RTN1: variants seen among roughly 807,000 people sequenced by gnomAD.
RTN1 encodes reticulon 1.
RTN1 carries 25 observed loss-of-function variants against 65.5 expected under a neutral mutation model. The ratio of observed to expected loss-of-function variants is 0.38; its 90% CI spans 0.28 to 0.53. The LOEUF is 0.53. Ranked by LOEUF, RTN1 falls within the 20% of genes least tolerant of loss-of-function variation. RTN1 has a pLI of 0.79. For missense variants in RTN1, 983 were observed against 1,025.4 expected, an observed-to-expected ratio of 0.96 and a Z score of 0.57; for synonymous variants, 471 against 447.6, an observed-to-expected ratio of 1.05 and a Z score of -0.66.
At chr14:59,675,411 T>C (rs1883602989) in intron 3 of RTN1, among the ~76,000 whole-genome samples, 1 of 136,306 alleles carries the variant, frequency 7.3e-6, no homozygotes, top group South Asian at 2.5e-4. Flanking sequence ...CTAGTTAAAG[T>C]AGAAAAATTA....
chr14:59,613,143 T>C (rs998337592), intron 3 of RTN1, among the ~76,000 whole-genome samples: 3 of 152,206 alleles, frequency 2.0e-5, no homozygotes, highest in African/African-American at 7.2e-5. Context: ...TTGAAGCACC[T>C]AGGAGGTTAC....
At chr14:59,731,476 TGTATA>T (rs1884895663) in intron 2 of RTN1, among the ~76,000 whole-genome samples, 1 of 152,124 alleles carries the variant, frequency 6.6e-6, no homozygotes, top group African/African-American at 2.4e-5. Context: ...TTAAATGAAT[TGTATA>T]GTATATGGAT....
chr14:59,697,329 A>G (rs984090926), intron 3 of RTN1, among the ~76,000 whole-genome samples: 2 of 152,102 alleles, frequency 1.3e-5, no homozygotes, highest in African/African-American at 2.4e-5. Flanking sequence ...TCTTTCTCCC[A>G]CTGTAGAGTG....
chr14:59,726,839 A>G (rs1884771262), intron 3 of RTN1, 80 bp downstream of exon 3: 2 of 1,269,324 alleles, frequency 1.6e-6, no homozygotes, highest in South Asian at 2.9e-5. Flanking sequence ...TCCAGGGCTG[A>G]GCCAGAACCG....
In RTN1 at chr14:59,626,611, T is replaced by C. The variant is rs566530360; in HGVS notation, c.1766-19119A>G. Among the ~76,000 whole-genome samples the C allele has an allele frequency of 2.5e-3, 385 of 152,350 alleles. 2 individuals carry two copies. The highest frequency in any genetic ancestry group is 8.7e-3 in the African/African-American group (362 of 41,580). On this transcript the variant is annotated intron_variant, in intron 3 of 8. Coordinates refer to ENST00000267484, the MANE Select transcript of RTN1 (RefSeq NM_021136.3). ...TACAACACCATTCGGATTTGGGTAG[T>C]ACAGTCGAAGTGTTAAAAGAATAGG...
chr14:59,649,105 A>C (rs1428488862), intron 3 of RTN1, among the ~76,000 whole-genome samples: 1 of 152,210 alleles, frequency 6.6e-6, no homozygotes, highest in Non-Finnish European at 1.5e-5. Context: ...ATAATGCCAC[A>C]CATTTACAAC....
chr14:59,657,614 C>A (rs938327033), intron 3 of RTN1, among the ~76,000 whole-genome samples: 12 of 152,106 alleles, frequency 7.9e-5, no homozygotes, highest in African/African-American at 2.9e-4. Context: ...CAGGGTGGGG[C>A]CTTGCCTCAC....
At chr14:59,658,297 G>A (rs1241581587) in intron 3 of RTN1, among the ~76,000 whole-genome samples, 2 of 152,236 alleles carry the variant, frequency 1.3e-5, no homozygotes, top group Non-Finnish European at 2.9e-5. Context: ...CAGAGCACCT[G>A]GGAGAAGGGG....
At chr14:59,802,552 T>C (rs978142640) in intron 1 of RTN1, among the ~76,000 whole-genome samples, 2 of 152,358 alleles carry the variant, frequency 1.3e-5, no homozygotes, top group Admixed American at 6.5e-5. Context: ...ATACACATTA[T>C]TCACAATTAA....
intron 1 of RTN1, among the ~76,000 whole-genome samples, chr14:59,769,921 G>A (rs1236738434): frequency 6.6e-6 from 1 of 152,148 alleles, no homozygotes; most frequent in Non-Finnish European, 1.5e-5. Flanking sequence ...TGGATGGATA[G>A]AATGGCAAAA....
At chr14:59,718,119 T>C (rs1157075908) in intron 3 of RTN1, among the ~76,000 whole-genome samples, 2 of 152,160 alleles carry the variant, frequency 1.3e-5, no homozygotes, top group African/African-American at 4.8e-5. Context: ...TCACACCCAC[T>C]TCCACAAGGA....
chr14:59,673,831 G>A (rs889133172), intron 3 of RTN1, among the ~76,000 whole-genome samples: 4 of 152,144 alleles, frequency 2.6e-5, no homozygotes, highest in Admixed American at 6.5e-5. Flanking sequence ...GACTGTCCCT[G>A]TCTGTCTATC....
intron 3 of RTN1, among the ~76,000 whole-genome samples, chr14:59,679,060 T>C (rs995741781): frequency 6.6e-6 from 1 of 152,056 alleles, no homozygotes; most frequent in Non-Finnish European, 1.5e-5. Context: ...GAGTGACAGA[T>C]TGGATTGTGA....
intron 2 of RTN1, among the ~76,000 whole-genome samples, chr14:59,744,026 T>A (rs1349201332): frequency 2.6e-5 from 4 of 152,154 alleles, no homozygotes; most frequent in Admixed American, 6.5e-5. Flanking sequence ...GCGCAGTGAA[T>A]CTTTAAGACC....
chr14:59,745,948 T>A lies in RTN1; in HGVS notation c.775A>T (p.Thr259Ser), dbSNP rs1885210969. The A allele has an allele frequency of 2.5e-6, 4 of 1,614,160 alleles. No individual in the cohort carries two copies. The highest frequency in any genetic ancestry group is 3.4e-6 in the Non-Finnish European group (4 of 1,180,014). Residue 259 changes from threonine to serine, a missense_variant, in exon 2 of 9, where the codon ACA becomes TCA. Physicochemically the swap from Thr to Ser is moderately conservative, Grantham distance 58. Transcript: ENST00000267484. ...IIKDHLLEES[T>S]FAPYIDDLSE... ...AGATCATCTATGTATGGAGCAAATGTGGATTCTTCCAATAAATGGTCCTTG... is the reference window on the plus strand; with the variant it reads ...AGATCATCTATGTATGGAGCAAATGAGGATTCTTCCAATAAATGGTCCTTG...
At chr14:59,716,094 C>T (rs1462111081) in intron 3 of RTN1, among the ~76,000 whole-genome samples, 3 of 152,124 alleles carry the variant, frequency 2.0e-5, no homozygotes, top group African/African-American at 7.2e-5. Context: ...AACTAGCTGC[C>T]TATATTATAT....
At chr14:59,778,140 A>C (rs902837135) in intron 1 of RTN1, among the ~76,000 whole-genome samples, 4 of 152,148 alleles carry the variant, frequency 2.6e-5, no homozygotes, top group African/African-American at 9.7e-5. Flanking sequence ...TCCTGAAGGA[A>C]GGCTTCCTTG....
intron 3 of RTN1, among the ~76,000 whole-genome samples, chr14:59,620,630 C>T (rs566778460): frequency 3.3e-5 from 5 of 152,150 alleles, no homozygotes; most frequent in African/African-American, 1.2e-4. Flanking sequence ...ATATTTGTGG[C>T]TTATATTATA....
chr14:59,659,763 C>T (rs1404729541), intron 3 of RTN1, among the ~76,000 whole-genome samples: 3 of 152,164 alleles, frequency 2.0e-5, no homozygotes, highest in Non-Finnish European at 2.9e-5. Flanking sequence ...AAAGGAAAAA[C>T]CAGTACCAGC....
Sources: allele counts gnomAD v4.1 joint callset (sites outside exome capture counted in the v4.1 genomes callset), GRCh38; gene constraint gnomAD v4.1.1; transcripts MANE v1.5; gene names NCBI Gene and HGNC (gene_info 2026-07-23, HGNC 2026-07-21).